Variants in NCOA7 observed in about 807,000 individuals in gnomAD.
NCOA7 encodes nuclear receptor coactivator 7.
Under a neutral mutation model 104.3 loss-of-function variants are expected in NCOA7, and 45 were observed. The observed-to-expected ratio is 0.43, with a 90% CI of 0.34 to 0.55. The LOEUF (loss-of-function observed/expected upper bound fraction) is 0.55, where lower values mean the gene tolerates loss of function less well. NCOA7 is among the 20% of genes least tolerant of loss of function. The pLI is 0.02. For synonymous variants in NCOA7, 398 were observed against 402.3 expected (o/e 0.99, Z 0.13); for missense variants, 1,041 against 1,119.7 (o/e 0.93, Z 1.00).
chr6:125,784,798 G>A (rs1042937835), intron 1 of NCOA7, among the ~76,000 whole-genome samples: 3 of 152,184 alleles, frequency 2.0e-5, no homozygotes, highest in Non-Finnish European at 2.9e-5. Context: ...AAAAGGTTAC[G>A]TACTATATGA....
chr6:125,798,681 T>C (rs756581186), intron 1 of NCOA7, among the ~76,000 whole-genome samples: 1 of 152,220 alleles, frequency 6.6e-6, no homozygotes, highest in Non-Finnish European at 1.5e-5. Context: ...AAGATGCATT[T>C]GCATAGAAAA....
At chr6:125,916,322 T>C (rs1787082857) in intron 11 of NCOA7, among the ~76,000 whole-genome samples, 1 of 152,246 alleles carries the variant, frequency 6.6e-6, no homozygotes, top group East Asian at 1.9e-4. Context: ...TAAACCTCTT[T>C]TGTTTGTAAA....
chr6:125,826,121 T>C (rs1583307969), intron 2 of NCOA7, among the ~76,000 whole-genome samples: 1 of 152,000 alleles, frequency 6.6e-6, no homozygotes, highest in East Asian at 1.9e-4. Flanking sequence ...ACCTCAGGAG[T>C]TCGAGACCAG....
At position 125,881,217 on chromosome 6, in the gene NCOA7, G is replaced by A. The variant is rs775206665; in HGVS notation, c.573+14G>A. ...GATAAATTGCCTGTATGTATATTAT[G>A]CACTGAAGTTCATTTTTATTAAAGA... On this transcript the variant is annotated intron_variant, in intron 6 of 15. Transcript: ENST00000392477. 1.3e-6 allele frequency: 2 copies of A among 1,527,312 alleles called. No homozygotes were observed. Among genetic ancestry groups the A allele is most frequent in the East Asian group, 2.3e-5 (1 of 44,416 alleles). The allele number at this position is 1,527,312 out of a possible 1,614,324, so 94.6% of individuals were successfully genotyped here. A position where few individuals can be genotyped will look rare whatever the true frequency, so the allele number is the denominator to read the frequency against.
At chr6:125,824,687 A>G (rs1176876163) in intron 2 of NCOA7, among the ~76,000 whole-genome samples, 4 of 152,260 alleles carry the variant, frequency 2.6e-5, no homozygotes, top group Middle Eastern at 3.4e-3. Context: ...GAAAGGTCCA[A>G]TACTCCAGAC....
At chr6:125,856,144 C>T (rs1030966279) in intron 3 of NCOA7, among the ~76,000 whole-genome samples, 1 of 151,998 alleles carries the variant, frequency 6.6e-6, no homozygotes, top group African/African-American at 2.4e-5. Flanking sequence ...CAGAACTTGG[C>T]GTGGCATACA....
chr6:125,806,528 A>G (rs1776468245), intron 1 of NCOA7, among the ~76,000 whole-genome samples: 1 of 152,114 alleles, frequency 6.6e-6, no homozygotes. Context: ...ATACTAGTTT[A>G]CCCGTGGGGC....
intron 10 of NCOA7, among the ~76,000 whole-genome samples, chr6:125,911,431 T>C (rs1786541559): frequency 6.6e-6 from 1 of 152,242 alleles, no homozygotes; most frequent in Non-Finnish European, 1.5e-5. Context: ...AGGTGGCCTC[T>C]TTTAATTGAG....
chr6:125,879,513 C>G (rs1783645449), intron 5 of NCOA7, among the ~76,000 whole-genome samples: 1 of 152,030 alleles, frequency 6.6e-6, no homozygotes, highest in African/African-American at 2.4e-5. Flanking sequence ...ATCTTATATC[C>G]CCCCTTGACT....
rs980968621 is a variant in NCOA7 at position 125,855,110 on chromosome 6, A to G, written c.141A>G (p.Thr47=). The G allele has an allele frequency of 4.3e-6, 7 of 1,613,284 alleles. No individual in the cohort carries two copies. The highest frequency in any genetic ancestry group is 5.9e-6 in the Non-Finnish European group (7 of 1,179,798). ...RTHTGKEDNN[T]VVLEPDKCNI... ...ATACTGGGAAGGAAGATAATAATAC[A>G]GTAGTTTTAGAGCCAGACAAGTGCA... Residue 47 remains threonine (T), a synonymous_variant, in exon 3 of 16, where the codon ACA becomes ACG. Transcript: ENST00000392477.
At chr6:125,911,104 G>A (rs1260826966) in intron 10 of NCOA7, among the ~76,000 whole-genome samples, 2 of 152,142 alleles carry the variant, frequency 1.3e-5, no homozygotes, top group African/African-American at 2.4e-5. Context: ...GGGAGCCCAC[G>A]GTATTTATTG....
intron 2 of NCOA7, among the ~76,000 whole-genome samples, chr6:125,839,453 T>A (rs947950527): frequency 3.3e-5 from 5 of 151,974 alleles, no homozygotes; most frequent in African/African-American, 1.2e-4. Context: ...TGCTGTCCCC[T>A]CCCCTCTTGA....
intron 2 of NCOA7, among the ~76,000 whole-genome samples, chr6:125,819,187 CGTT>C (rs1359260650): frequency 6.6e-6 from 1 of 151,996 alleles, no homozygotes; most frequent in Non-Finnish European, 1.5e-5. Context: ...GTTTCATAAT[CGTT>C]GTGTGACTGT....
rs776507371 is a variant in NCOA7, at chr6:125,889,913, G to C, written c.1859G>C (p.Gly620Ala). 3 of 1,592,386 alleles carry C rather than the reference G, an allele frequency of 1.9e-6. No individual in the cohort carries two copies. The highest frequency in any genetic ancestry group is 2.6e-6 in the Non-Finnish European group (3 of 1,173,272). Reference protein sequence around the residue: ...LESTLDNSCQGAQMDNKSEVQ... With the variant: ...LESTLDNSCQAAQMDNKSEVQ... The stretch of plus-strand genomic sequence containing the variant: ...TCTACTCTGGACAACAGCTGTCAAG[G>C]TGCACAAATGGATAATAAATCTGAA... The change falls in exon 9 of 16, where the codon GGT becomes GCT. Residue 620 changes from glycine (G) to alanine (A), a missense_variant. Physicochemically the swap from Gly to Ala is moderately conservative, Grantham distance 60. Around this residue, in one of 2 missense-constraint regions of NCOA7, gnomAD observed 914 missense variants for 942.7 expected, o/e 0.97. Transcript: ENST00000392477.
chr6:125,789,117 C>CG (rs1488634521), upstream of NCOA7, among the ~76,000 whole-genome samples: 1 of 152,196 alleles, frequency 6.6e-6, no homozygotes, highest in Admixed American at 6.5e-5. Flanking sequence ...CAACGTGTTA[C>CG]TTATACATCA....
At chr6:125,884,005 C>A (rs1189967409) in intron 7 of NCOA7, among the ~76,000 whole-genome samples, 1 of 152,230 alleles carries the variant, frequency 6.6e-6, no homozygotes, top group Non-Finnish European at 1.5e-5. Context: ...AGGCCAGAAC[C>A]ACCACACCCG....
intron 3 of NCOA7, among the ~76,000 whole-genome samples, chr6:125,870,969 G>A (rs1387165148): frequency 6.6e-6 from 1 of 152,152 alleles, no homozygotes; most frequent in Non-Finnish European, 1.5e-5. Context: ...TCCTCTAGGG[G>A]TTTGGTCAGT....
intron 2 of NCOA7, among the ~76,000 whole-genome samples, chr6:125,824,071 T>C (rs58118457): frequency 6.6e-6 from 1 of 152,242 alleles, no homozygotes; most frequent in East Asian, 1.9e-4. Flanking sequence ...GTTTTTTTTT[T>C]ATCATTCAAA....
intron 2 of NCOA7, among the ~76,000 whole-genome samples, chr6:125,828,787 G>T (rs1554264298): frequency 6.6e-6 from 1 of 152,166 alleles, no homozygotes; most frequent in Non-Finnish European, 1.5e-5. Flanking sequence ...GTGGCACTGT[G>T]GGCTCTGTTT....
Sources: allele counts gnomAD v4.1 joint callset (sites outside exome capture counted in the v4.1 genomes callset), GRCh38; gene constraint gnomAD v4.1.1; regional missense constraint gnomAD v4.1.1; transcripts MANE v1.5; gene names NCBI Gene and HGNC (gene_info 2026-07-23, HGNC 2026-07-21).